The following CDH9 variants were observed in gnomAD, a reference collection of about 807,000 sequenced individuals.
CDH9 encodes the protein cadherin 9, also known as cadherin-9.
In CDH9, 28 loss-of-function variants were observed where a neutral mutation model predicts 70.9. The observed-to-expected ratio is 0.40, with a 90% CI of 0.29 to 0.54. The LOEUF (loss-of-function observed/expected upper bound fraction) is 0.54, where lower values mean the gene tolerates loss of function less well. Among genes scored for constraint, CDH9 ranks in the 20% least tolerant of loss-of-function variants. The probability of loss-of-function intolerance (pLI) is 0.59; values close to 1 mark genes in which losing one functional copy is unlikely to be tolerated. For synonymous variants in CDH9, 409 were observed against 343.1 expected, an observed-to-expected ratio of 1.19 and a Z score of -2.12; for missense variants, 874 against 984.4, an observed-to-expected ratio of 0.89 and a Z score of 1.50.
intron 11 of CDH9, among the ~76,000 whole-genome samples, 176 bp downstream of exon 11, chr5:26,885,438 G>A (rs1264877709): frequency 6.6e-6 from 1 of 152,116 alleles, no homozygotes; most frequent in Admixed American, 6.6e-5. Context: ...GGAAAGCTGG[G>A]CCTATCCCCA....
intron 2 of CDH9, among the ~76,000 whole-genome samples, chr5:26,964,802 A>G (rs1742101323): frequency 9.4e-6 from 1 of 106,608 alleles, no homozygotes; most frequent in African/African-American, 3.7e-5. Context: ...ACCCCCCAAC[A>G]GGCCCCAGTG....
chr5:26,995,272 G>A (rs1742647501), intron 1 of CDH9, among the ~76,000 whole-genome samples: 1 of 152,098 alleles, frequency 6.6e-6, no homozygotes, highest in Non-Finnish European at 1.5e-5. Context: ...GTATGACATT[G>A]ACTTAACATT....
chr5:26,918,105 C>T (rs1001695965), intron 2 of CDH9, among the ~76,000 whole-genome samples: 1 of 152,120 alleles, frequency 6.6e-6, no homozygotes, highest in African/African-American at 2.4e-5. Flanking sequence ...GGCATCTCTG[C>T]CTCTTTTCCC....
intron 2 of CDH9, among the ~76,000 whole-genome samples, chr5:26,955,207 C>A (rs1050217246): frequency 6.6e-6 from 1 of 152,102 alleles, no homozygotes; most frequent in Non-Finnish European, 1.5e-5. Flanking sequence ...ATCTCCTCTT[C>A]TTTCATAAAT....
At chr5:26,894,181 C>A (rs1740707974) in intron 7 of CDH9, among the ~76,000 whole-genome samples, 1 of 152,082 alleles carries the variant, frequency 6.6e-6, no homozygotes, top group Non-Finnish European at 1.5e-5. Context: ...CAATAGTTAA[C>A]CATTACCTGC....
intron 2 of CDH9, among the ~76,000 whole-genome samples, chr5:26,930,717 C>T (rs1741447632): frequency 6.6e-6 from 1 of 152,028 alleles, no homozygotes. Flanking sequence ...TTATCATCAG[C>T]TATTCTTAAC....
intron 7 of CDH9, among the ~76,000 whole-genome samples, chr5:26,900,946 T>C (rs2111985799): frequency 6.6e-6 from 1 of 152,176 alleles, no homozygotes; most frequent in African/African-American, 2.4e-5. Context: ...AAAAATAATT[T>C]ACACTCTTTT....
intron 2 of CDH9, among the ~76,000 whole-genome samples, chr5:26,973,914 T>C (rs1411712951): frequency 6.6e-6 from 1 of 152,216 alleles, no homozygotes; most frequent in East Asian, 1.9e-4. Flanking sequence ...TTTCCTACTC[T>C]GCTCTATTTG....
chr5:27,025,048 C>A (rs895805310), intron 1 of CDH9, among the ~76,000 whole-genome samples: 2 of 152,006 alleles, frequency 1.3e-5, no homozygotes, highest in African/African-American at 4.8e-5. Flanking sequence ...TAGAAAATAT[C>A]TATTAATTTT....
Position 26,903,840 on chromosome 5 carries a change from G to A in CDH9, c.812-16C>T. On this transcript the variant is annotated splice_polypyrimidine_tract_variant and intron_variant, in intron 5 of 11. Coordinates refer to ENST00000231021, the MANE Select transcript of CDH9 (RefSeq NM_016279.4). ...TGATACGTACCTATAAATTAAGTAAGAGCTGTTTTGACATTTCATCTTTAT... is the reference window on the plus strand; with the variant it reads ...TGATACGTACCTATAAATTAAGTAAAAGCTGTTTTGACATTTCATCTTTAT... 7.3e-7 allele frequency: 1 copy of A among 1,367,388 alleles called. No homozygotes were observed. The highest frequency in any genetic ancestry group is 1.0e-6 in the Non-Finnish European group (1 of 995,312). 84.7% of individuals were successfully genotyped at this position (1,367,388 alleles called of 1,614,324 possible). A position where few individuals can be genotyped will look rare whatever the true frequency, so the allele number is the denominator to read the frequency against.
Position 26,906,403 on chromosome 5 carries a change from T to C in CDH9, c.644-277A>G, listed in dbSNP as rs558712046. Among the ~76,000 whole-genome samples the C allele has an allele frequency of 1.3e-4, 20 of 152,316 alleles. No individual in the cohort carries two copies. The East Asian group carries it at 3.9e-3, about 29-fold the overall frequency. On this transcript the variant is annotated intron_variant, in intron 4 of 11. Coordinates refer to ENST00000231021, the MANE Select transcript of CDH9 (RefSeq NM_016279.4). Reference sequence around the variant, plus strand: ...GTCAAAAATCTTTAGACATATACAGTTGTTTAATTTTGATAATTGTCATAT... The same window carrying C: ...GTCAAAAATCTTTAGACATATACAGCTGTTTAATTTTGATAATTGTCATAT...
chr5:26,965,038 T>C (rs1374575193), intron 2 of CDH9, among the ~76,000 whole-genome samples: 2 of 152,124 alleles, frequency 1.3e-5, no homozygotes, highest in Non-Finnish European at 2.9e-5. Flanking sequence ...GGTAAAAACT[T>C]CCAACTACTA....
intron 2 of CDH9, among the ~76,000 whole-genome samples, chr5:26,984,841 C>G (rs1742463150): frequency 1.3e-5 from 2 of 152,060 alleles, no homozygotes. Context: ...TCAAGAATGA[C>G]CAACCAAATT....
chr5:26,939,535 A>T (rs1579463774), intron 2 of CDH9, among the ~76,000 whole-genome samples: 1 of 151,894 alleles, frequency 6.6e-6, no homozygotes, highest in African/African-American at 2.4e-5. Context: ...CAAAATAATG[A>T]TTATAGATGA....
chr5:26,938,742 A>C (rs1462288718), intron 2 of CDH9, among the ~76,000 whole-genome samples: 1 of 152,094 alleles, frequency 6.6e-6, no homozygotes, highest in Non-Finnish European at 1.5e-5. Flanking sequence ...ATTGGGGTAT[A>C]TTCATGCAAC....
intron 1 of CDH9, among the ~76,000 whole-genome samples, chr5:26,992,822 C>A (rs908892434): frequency 2.0e-5 from 3 of 152,046 alleles, no homozygotes; most frequent in South Asian, 2.1e-4. Flanking sequence ...AATGGCCGGG[C>A]GTGGTGGCTC....
At chr5:27,005,062 G>A (rs1742837153) in intron 1 of CDH9, among the ~76,000 whole-genome samples, 1 of 152,130 alleles carries the variant, frequency 6.6e-6, no homozygotes, top group Non-Finnish European at 1.5e-5. Flanking sequence ...GACATGGACA[G>A]CATTCAGTGC....
intron 1 of CDH9, among the ~76,000 whole-genome samples, chr5:27,015,932 ACATCATCAGT>A (rs1743039284): frequency 6.6e-6 from 1 of 151,794 alleles, no homozygotes; most frequent in South Asian, 2.1e-4. Flanking sequence ...ATCTAATGAG[ACATCATCAGT>A]CATCATCAGA....
At chr5:26,883,152 T>G (rs1740501453) in intron 11 of CDH9, among the ~76,000 whole-genome samples, 1 of 141,414 alleles carries the variant, frequency 7.1e-6, no homozygotes, top group African/African-American at 2.6e-5. Context: ...GACATAAGAT[T>G]AATTAAGTCC....
Sources: gnomAD v4.1 joint callset for allele counts (sites outside exome capture counted in the v4.1 genomes callset) on GRCh38, gnomAD v4.1.1 for gene constraint, MANE v1.5 for transcripts, NCBI Gene and HGNC (gene_info 2026-07-23, HGNC 2026-07-21) for gene names.